Variants in ZNF536 observed in about 807,000 individuals in gnomAD.
The protein encoded by ZNF536 is zinc finger protein 536.
In ZNF536, 13 loss-of-function variants were observed where a neutral mutation model predicts 84.5. That is an observed-to-expected ratio of 0.15 (90% CI 0.10 to 0.24). The LOEUF (loss-of-function observed/expected upper bound fraction) is 0.24. Among genes scored for constraint, ZNF536 ranks in the 10% least tolerant of loss-of-function variants. The probability of loss-of-function intolerance (pLI) is 1.00; values close to 1 mark genes in which losing one functional copy is unlikely to be tolerated. For missense variants in ZNF536, 1,536 were observed against 1,747.5 expected, an observed-to-expected ratio of 0.88 and a Z score of 2.16; for synonymous variants, 811 against 742.5, an observed-to-expected ratio of 1.09 and a Z score of -1.50.
chr19:30,642,157 G>A (rs2049289803), intron 1 of ZNF536, among the ~76,000 whole-genome samples: 2 of 152,178 alleles, frequency 1.3e-5, no homozygotes, highest in South Asian at 4.1e-4. Context: ...ATTGACTCAT[G>A]TAAGGAACCC....
At chr19:30,582,157 G>T (rs965957986) in intron 1 of ZNF536, among the ~76,000 whole-genome samples, 1 of 152,058 alleles carries the variant, frequency 6.6e-6, no homozygotes, top group African/African-American at 2.4e-5. Flanking sequence ...TGGCAGCTGG[G>T]AAAACAATGT....
At chr19:30,651,301 C>T in intron 1 of ZNF536, among the ~76,000 whole-genome samples, 1 of 152,172 alleles carries the variant, frequency 6.6e-6, no homozygotes, top group Non-Finnish European at 1.5e-5. Flanking sequence ...TCAGAAAGCG[C>T]CCCAGTTGGG....
chr19:30,364,685 CA>C (rs1461471332), intron 3 of ZNF536, among the ~76,000 whole-genome samples: 1 of 152,182 alleles, frequency 6.6e-6, no homozygotes, highest in Non-Finnish European at 1.5e-5. Flanking sequence ...GCATTGCAGG[CA>C]GTCCCAGCAC....
chr19:30,596,615 AC>A (rs1330069065), intron 1 of ZNF536, among the ~76,000 whole-genome samples: 3 of 152,218 alleles, frequency 2.0e-5, no homozygotes, highest in Non-Finnish European at 4.4e-5. Flanking sequence ...ATGAGTTTGA[AC>A]TGTTTTGCTG....
At chr19:30,383,711 CT>C (rs1170537761) in intron 1 of ZNF536, among the ~76,000 whole-genome samples, 1 of 48,260 alleles carries the variant, frequency 2.1e-5, no homozygotes, top group African/African-American at 6.8e-5. Context: ...CTCTTTCTTT[CT>C]TTCTTTCTTT....
intron 2 of ZNF536, among the ~76,000 whole-genome samples, chr19:30,466,749 A>AAGG (rs2053425360): frequency 3.4e-5 from 2 of 58,592 alleles, no homozygotes; most frequent in African/African-American, 7.6e-5. Flanking sequence ...GGGAAGGAAG[A>AAGG]AAGGAGGGAA....
intron 1 of ZNF536, among the ~76,000 whole-genome samples, chr19:30,394,798 G>A (rs1279154751): frequency 6.6e-6 from 1 of 152,150 alleles, no homozygotes; most frequent in Non-Finnish European, 1.5e-5. Context: ...ACACTGAGCT[G>A]AGCTCAAGAG....
chr19:30,695,133 G>C (rs1035285760), intron 1 of ZNF536, among the ~76,000 whole-genome samples: 2 of 152,162 alleles, frequency 1.3e-5, no homozygotes, highest in African/African-American at 4.8e-5. Context: ...AAACAGCAAG[G>C]CATGGTGGGG....
chr19:30,350,090 T>G (rs2047886483), intron 2 of ZNF536, among the ~76,000 whole-genome samples: 1 of 152,148 alleles, frequency 6.6e-6, no homozygotes, highest in Admixed American at 6.5e-5. Flanking sequence ...ACAATCTCCT[T>G]GCAATGCCAT....
At chr19:30,498,552 A>G (rs2054815618) in intron 2 of ZNF536, among the ~76,000 whole-genome samples, 1 of 152,164 alleles carries the variant, frequency 6.6e-6, no homozygotes, top group Non-Finnish European at 1.5e-5. Context: ...ATGTTTGCCT[A>G]TGTAACAAAC....
At chr19:30,309,998 T>C (rs966866239) in intron 2 of ZNF536, among the ~76,000 whole-genome samples, 12 of 152,120 alleles carry the variant, frequency 7.9e-5, no homozygotes, top group African/African-American at 2.7e-4. Context: ...GTGGAATGAA[T>C]GCAGAGGCTG....
At position 30,385,506 on chromosome 19, in the gene ZNF536, C is replaced by A. The variant is rs184868099; in HGVS notation, c.-3+12950C>A. On this transcript the variant is annotated intron_variant, in intron 1 of 4. Transcript: ENST00000355537. Reference sequence around the variant, plus strand: ...TGACTGTCCTCTGTGGCCTTGTCCTCATTGCTCTTCCCTGCTTCACCCACT... The same window carrying A: ...TGACTGTCCTCTGTGGCCTTGTCCTAATTGCTCTTCCCTGCTTCACCCACT... Among the ~76,000 whole-genome samples, 386 of 151,868 alleles carry A rather than the reference C, an allele frequency of 2.5e-3. 3 individuals carry two copies. The highest frequency in any genetic ancestry group is 8.5e-3 in the African/African-American group (353 of 41,406).
At chr19:30,298,183 C>T (rs1445405280) in intron 2 of ZNF536, among the ~76,000 whole-genome samples, 1 of 152,142 alleles carries the variant, frequency 6.6e-6, no homozygotes, top group African/African-American at 2.4e-5. Flanking sequence ...TGGCCTCATG[C>T]CCTTCTTTAA....
chr19:30,598,465 C>G (rs1414240297), intron 1 of ZNF536, among the ~76,000 whole-genome samples: 1 of 152,084 alleles, frequency 6.6e-6, no homozygotes, highest in African/African-American at 2.4e-5. Flanking sequence ...AAAGCCACAC[C>G]AAATATATAT....
chr19:30,573,462 G>C (rs2046622830), intron 1 of ZNF536, among the ~76,000 whole-genome samples: 1 of 152,140 alleles, frequency 6.6e-6, no homozygotes, highest in African/African-American at 2.4e-5. Flanking sequence ...TGGGCCTAGG[G>C]GAGGCATCAT....
At chr19:30,674,362 A>G (rs746668) in intron 1 of ZNF536, among the ~76,000 whole-genome samples, 90,245 of 152,144 alleles carry the variant, frequency 0.59, 27,558 homozygotes, top group African/African-American at 0.74. Context: ...AGTCAGGTGA[A>G]AGAGGATGCT....
chr19:30,440,392 C>G (rs1450311931), intron 1 of ZNF536, among the ~76,000 whole-genome samples: 3 of 152,120 alleles, frequency 2.0e-5, no homozygotes, highest in African/African-American at 7.2e-5. Context: ...GGTCACATGA[C>G]TGATTTTAAG....
chr19:30,252,465 G>T (rs560089324), intron 1 of ZNF536, among the ~76,000 whole-genome samples: 7 of 152,226 alleles, frequency 4.6e-5, no homozygotes, highest in African/African-American at 1.4e-4. Context: ...CTGGGATGAG[G>T]CAGGAGGATT....
At chr19:30,670,765 T>A (rs1298784265) in intron 1 of ZNF536, among the ~76,000 whole-genome samples, 1 of 152,198 alleles carries the variant, frequency 6.6e-6, no homozygotes, top group Non-Finnish European at 1.5e-5. Context: ...TCAGGCAGGT[T>A]CTGAAGGCAG....
Sources: gnomAD v4.1 joint callset for allele counts (sites outside exome capture counted in the v4.1 genomes callset) on GRCh38, gnomAD v4.1.1 for gene constraint, MANE v1.5 for transcripts, NCBI Gene and HGNC (gene_info 2026-07-23, HGNC 2026-07-21) for gene names.